Variants in AGMO observed in about 807,000 individuals in gnomAD.
AGMO encodes the protein glyceryl-ether monooxygenase.
AGMO carries 75 observed loss-of-function variants against 60.2 expected under a neutral mutation model. The observed-to-expected ratio is 1.25, with a 90% CI of 1.03 to 1.51. The LOEUF is 1.51. AGMO is among the 40% of genes most tolerant of loss of function. AGMO has a pLI of 0.00. For missense variants in AGMO, 763 were observed against 525.5 expected, an observed-to-expected ratio of 1.45 and a Z score of -4.42; for synonymous variants, 261 against 177.1, an observed-to-expected ratio of 1.47 and a Z score of -3.76.
intron 12 of AGMO, among the ~76,000 whole-genome samples, chr7:15,273,136 A>T (rs968254198): frequency 2.0e-5 from 3 of 152,116 alleles, no homozygotes; most frequent in African/African-American, 7.2e-5. Flanking sequence ...GTTTAATTAG[A>T]TCCCATTTGT....
Position 15,394,197 on chromosome 7 carries a change from A to G in AGMO, c.610-18T>C. The stretch of plus-strand genomic sequence containing the variant: ...TTGATGACCTGTTTAAAACAGAAGG[A>G]ATATTTATACATGTAGTTATCATTA... On this transcript the variant is annotated intron_variant, in intron 5 of 12. Coordinates refer to ENST00000342526, the MANE Select transcript of AGMO (RefSeq NM_001004320.2). 6.6e-7 allele frequency: 1 copy of G among 1,525,980 alleles called. No individual in the cohort carries two copies. The highest frequency in any genetic ancestry group is 9.1e-7 in the Non-Finnish European group (1 of 1,101,578). The allele number at this position is 1,525,980 out of a possible 1,614,324, so 94.5% of individuals were successfully genotyped here.
At chr7:15,202,301 A>AGGCAT (rs895850749) in intron 12 of AGMO, among the ~76,000 whole-genome samples, 4 of 151,928 alleles carry the variant, frequency 2.6e-5, no homozygotes, top group African/African-American at 9.7e-5. Context: ...AAGAAGATGA[A>AGGCAT]GGCATGGGAG....
chr7:15,410,359 T>C (rs979720683), intron 5 of AGMO, among the ~76,000 whole-genome samples: 1 of 151,800 alleles, frequency 6.6e-6, no homozygotes, highest in African/African-American at 2.4e-5. Context: ...TAATAATCTG[T>C]ACATTAATCA....
intron 12 of AGMO, among the ~76,000 whole-genome samples, chr7:15,308,308 T>C (rs1780673395): frequency 6.6e-6 from 1 of 152,196 alleles, no homozygotes. Context: ...TTTTTTCCTA[T>C]TTAAAAATTT....
intron 10 of AGMO, among the ~76,000 whole-genome samples, chr7:15,374,133 A>AAATCATAACCCACATTCTTTCAGAC (rs1783344736): frequency 1.3e-5 from 2 of 152,164 alleles, no homozygotes; most frequent in Admixed American, 6.6e-5. Flanking sequence ...ATCCAATGTG[A>AAATCATAACCCACATTCTTTCAGAC]CACCATACTG....
rs144528968 is a variant in AGMO, at chr7:15,531,763, C to T, written c.409+13009G>A. Among the ~76,000 whole-genome samples the T allele has an allele frequency of 6.5e-4, 98 of 150,258 alleles. 1 individual carries two copies. Among genetic ancestry groups the T allele is most frequent in the African/African-American group, 2.2e-3 (90 of 40,864 alleles). Reference sequence around the variant, plus strand: ...GCTCCCCACCTTGCTGCTGTTCAAGCGATTCTCATACCTCAGCCATCCAAG... The same window carrying T: ...GCTCCCCACCTTGCTGCTGTTCAAGTGATTCTCATACCTCAGCCATCCAAG... On this transcript the variant is annotated intron_variant, in intron 3 of 12. Coordinates refer to ENST00000342526, the MANE Select transcript of AGMO (RefSeq NM_001004320.2).
At chr7:15,228,505 C>G (rs1352505745) in intron 12 of AGMO, among the ~76,000 whole-genome samples, 1 of 151,986 alleles carries the variant, frequency 6.6e-6, no homozygotes, top group Non-Finnish European at 1.5e-5. Context: ...AAGGAGTCAA[C>G]TGAAACAGCC....
chr7:15,382,628 G>C (rs1040749939), intron 10 of AGMO, among the ~76,000 whole-genome samples: 4 of 152,114 alleles, frequency 2.6e-5, no homozygotes, highest in African/African-American at 9.7e-5. Context: ...TGGAGTTATT[G>C]CAATTATTTT....
chr7:15,523,809 A>C (rs895816246), intron 3 of AGMO, among the ~76,000 whole-genome samples: 19 of 152,150 alleles, frequency 1.2e-4, no homozygotes, highest in African/African-American at 4.6e-4. Context: ...CATTCTGCAC[A>C]TGTATCCCAG....
At chr7:15,548,007 C>A (rs1490470054) in intron 2 of AGMO, among the ~76,000 whole-genome samples, 2 of 146,732 alleles carry the variant, frequency 1.4e-5, no homozygotes, top group East Asian at 3.9e-4. Context: ...GGTCCCTGAC[C>A]CCTGACACCG....
chr7:15,195,273 T>C, the AGMO span, among the ~76,000 whole-genome samples: 3 of 152,164 alleles, frequency 2.0e-5, no homozygotes, highest in South Asian at 2.1e-4. Context: ...AAGAAGTGAG[T>C]TGAAGAGCAG....
At chr7:15,347,121 T>C (rs1042089992) in intron 12 of AGMO, among the ~76,000 whole-genome samples, 2 of 152,058 alleles carry the variant, frequency 1.3e-5, no homozygotes, top group African/African-American at 4.8e-5. Context: ...CTCTTCTCTA[T>C]CCATTTTCCT....
the AGMO span, among the ~76,000 whole-genome samples, chr7:15,146,362 A>C: frequency 1.3e-5 from 2 of 152,170 alleles, no homozygotes; most frequent in Non-Finnish European, 2.9e-5. Context: ...AAATATTGTA[A>C]TCCCAAATGA....
At chr7:15,417,479 C>G (rs1780805048) in intron 5 of AGMO, among the ~76,000 whole-genome samples, 1 of 152,124 alleles carries the variant, frequency 6.6e-6, no homozygotes, top group Non-Finnish European at 1.5e-5. Context: ...TCTCCCTTAA[C>G]CCCTCCATGT....
At chr7:15,302,566 A>G (rs1285870559) in intron 12 of AGMO, among the ~76,000 whole-genome samples, 11 of 152,332 alleles carry the variant, frequency 7.2e-5, no homozygotes, top group Non-Finnish European at 4.4e-5. Flanking sequence ...AAAATCTTTG[A>G]AAATGACAAT....
intron 12 of AGMO, among the ~76,000 whole-genome samples, chr7:15,232,099 C>T (rs992234147): frequency 1.3e-5 from 2 of 152,174 alleles, no homozygotes; most frequent in Admixed American, 1.3e-4. Flanking sequence ...TTCTCATCCT[C>T]CCACCTGCTG....
intron 12 of AGMO, among the ~76,000 whole-genome samples, chr7:15,362,949 C>T (rs1045153637): frequency 6.6e-6 from 1 of 152,072 alleles, no homozygotes; most frequent in African/African-American, 2.4e-5. Context: ...GAGTTTGTTC[C>T]CTGACTTATT....
In AGMO at chr7:15,468,026, A is replaced by G. The variant is rs1240357454; in HGVS notation, c.410-36918T>C. On this transcript the variant is annotated intron_variant, in intron 3 of 12. Transcript: ENST00000342526. The stretch of plus-strand genomic sequence containing the variant: ...TTGTAACTCTTCCTTTACCAAACTT[A>G]ACAAGATTTTCTAACAAATCTGCTC... 2.6e-5 allele frequency among the ~76,000 whole-genome samples: 4 copies of G among 152,222 alleles called. No individual in the cohort carries two copies. In the South Asian group the frequency reaches 8.3e-4, roughly 32 times the overall value.
At chr7:15,479,476 G>T (rs1255207872) in intron 3 of AGMO, among the ~76,000 whole-genome samples, 1 of 152,126 alleles carries the variant, frequency 6.6e-6, no homozygotes, top group African/African-American at 2.4e-5. Flanking sequence ...CTGAGCCAAT[G>T]TTCTTTTCAC....
Sources: allele counts gnomAD v4.1 joint callset (sites outside exome capture counted in the v4.1 genomes callset), GRCh38; gene constraint gnomAD v4.1.1; transcripts MANE v1.5; gene names NCBI Gene and HGNC (gene_info 2026-07-23, HGNC 2026-07-21).